C6orf118: variants seen among roughly 807,000 people sequenced by gnomAD.
The protein encoded by C6orf118 is chromosome 6 open reading frame 118.
A neutral mutation model predicts 50.2 loss-of-function variants in C6orf118; 50 were observed. The ratio of observed to expected loss-of-function variants is 1.00; its 90% CI spans 0.79 to 1.26. The LOEUF is 1.26. C6orf118 is among the 50% of genes most tolerant of loss of function. The pLI, the probability that C6orf118 is intolerant of heterozygous loss-of-function variation, is 0.00. For synonymous variants in C6orf118, 239 were observed against 230.9 expected (o/e 1.03, Z -0.32); for missense variants, 641 against 578.7 (o/e 1.11, Z -1.10).
At chr6:165,296,735 C>A (rs528005875) in intron 5 of C6orf118, among the ~76,000 whole-genome samples, 2 of 152,298 alleles carry the variant, frequency 1.3e-5, no homozygotes, top group South Asian at 4.1e-4. Flanking sequence ...TCCTACCACC[C>A]CTGAGAGGTA....
rs574085286 is a variant in C6orf118 at position 165,289,516 on chromosome 6, G to A, written c.1302+370C>T. Among the ~76,000 whole-genome samples the A allele has an allele frequency of 4.6e-5, 7 of 152,164 alleles. No individual in the cohort carries two copies. The East Asian group carries it at 1.2e-3, about 25-fold the overall frequency. On this transcript the variant is annotated intron_variant, in intron 7 of 8. Coordinates refer to ENST00000230301, the MANE Select transcript of C6orf118 (RefSeq NM_144980.4). ...TATATGTGTAATGGTGGGCTTTAGTGTACCACCACCCAAATAGTGTACGGT... is the reference window on the plus strand; with the variant it reads ...TATATGTGTAATGGTGGGCTTTAGTATACCACCACCCAAATAGTGTACGGT...
chr6:165,300,893 C>T (rs1780503964), intron 2 of C6orf118, among the ~76,000 whole-genome samples: 1 of 143,232 alleles, frequency 7.0e-6, no homozygotes, highest in Non-Finnish European at 1.5e-5. Flanking sequence ...TCCTCTGAGT[C>T]GGCAGCCTAC....
intron 1 of C6orf118, among the ~76,000 whole-genome samples, chr6:165,303,636 G>C (rs1780642177): frequency 9.5e-6 from 1 of 105,698 alleles, no homozygotes; most frequent in Non-Finnish European, 1.8e-5. Context: ...GGATAAAGGG[G>C]ATATCACCAC....
chr6:165,306,535 CAAAAAAA>C lies in C6orf118; in HGVS notation c.25+3020_25+3026del, dbSNP rs60755206. The stretch of plus-strand genomic sequence containing the variant: ...TAGAAATGGAATTTCTAGGTGAATG[CAAAAAAA>C]AAAAAAAAAAAAAAAAAAAGAAATG... On this transcript the variant is annotated intron_variant, in intron 1 of 8. Coordinates refer to ENST00000230301, the MANE Select transcript of C6orf118 (RefSeq NM_144980.4). Among the ~76,000 whole-genome samples the C allele has an allele frequency of 4.3e-4, 17 of 39,712 alleles. No homozygotes were observed. In the East Asian group the frequency reaches 4.9e-3, roughly 12 times the overall value. 26.1% of individuals were successfully genotyped at this position (39,712 alleles called of 152,430 possible).
At chr6:165,283,198 A>C (rs900734358) in intron 7 of C6orf118, among the ~76,000 whole-genome samples, 1 of 152,086 alleles carries the variant, frequency 6.6e-6, no homozygotes, top group Non-Finnish European at 1.5e-5. Context: ...ACAGAGAGCA[A>C]GAAAAAGCAG....
chr6:165,287,585 C>A (rs1044374074), intron 7 of C6orf118, among the ~76,000 whole-genome samples: 5 of 152,022 alleles, frequency 3.3e-5, no homozygotes, highest in African/African-American at 1.2e-4. Context: ...AAAAAACAGA[C>A]ATATAGACAA....
intron 7 of C6orf118, among the ~76,000 whole-genome samples, chr6:165,287,847 C>G (rs929873310): frequency 2.0e-5 from 3 of 152,070 alleles, no homozygotes; most frequent in Non-Finnish European, 4.4e-5. Flanking sequence ...AAAATCTAAG[C>G]AATACCATTC....
At position 165,294,271 on chromosome 6, in the gene C6orf118, A is replaced by AC. The variant is rs1388622926; in HGVS notation, c.1062-801_1062-800insG. Among the ~76,000 whole-genome samples, 872 of 148,278 alleles carry AC rather than the reference A, an allele frequency of 5.9e-3. 10 individuals are homozygous for AC. The highest frequency in any genetic ancestry group is 0.02 in the African/African-American group (795 of 39,066). On this transcript the variant is annotated intron_variant, in intron 5 of 8. Coordinates refer to ENST00000230301, the MANE Select transcript of C6orf118 (RefSeq NM_144980.4). The stretch of plus-strand genomic sequence containing the variant: ...TAAAAAAGCAAAAAAAAAAAAACAA[A>AC]AAAAAAAAAAGTAAATAAATAAGTA...
chr6:165,300,207 C>T (rs1780466685), intron 3 of C6orf118, among the ~76,000 whole-genome samples, 157 bp downstream of exon 3: 1 of 152,124 alleles, frequency 6.6e-6, no homozygotes, highest in African/African-American at 2.4e-5. Flanking sequence ...TACGTGCCTG[C>T]AGGCAGATGA....
chr6:165,283,421 G>A (rs1327566853), intron 7 of C6orf118, among the ~76,000 whole-genome samples: 1 of 152,220 alleles, frequency 6.6e-6, no homozygotes, highest in African/African-American at 2.4e-5. Context: ...TGGCTCTGAA[G>A]AGTCTAGTCA....
chr6:165,291,868 C>T (rs143567718), intron 6 of C6orf118, among the ~76,000 whole-genome samples: 118 of 152,116 alleles, frequency 7.8e-4, no homozygotes, highest in African/African-American at 2.6e-3. Context: ...TACTACTTTT[C>T]GATGGGAACA....
At chr6:165,292,180 C>G (rs1435897721) in intron 6 of C6orf118, among the ~76,000 whole-genome samples, 1 of 152,108 alleles carries the variant, frequency 6.6e-6, no homozygotes, top group Non-Finnish European at 1.5e-5. Flanking sequence ...AATGTCAAGC[C>G]CAGGGAATGA....
chr6:165,291,336 G>A (rs951755809), intron 6 of C6orf118, among the ~76,000 whole-genome samples: 1 of 152,218 alleles, frequency 6.6e-6, no homozygotes, highest in African/African-American at 2.4e-5. Flanking sequence ...CTCAGTTGTA[G>A]CTAGAAAGAA....
Position 165,301,978 on chromosome 6 carries a change from T to A in C6orf118, c.344A>T (p.His115Leu), listed in dbSNP as rs138289053. The A allele has an allele frequency of 1.2e-6, 2 of 1,613,702 alleles. No homozygotes were observed. The highest frequency in any genetic ancestry group is 2.7e-5 in the African/African-American group (2 of 74,926). Reference sequence around the variant, plus strand: ...GGCCTCACTGGGGACCAGGGCCGTGTGGATGGTGAAGTGGGCCAGGGCCTC... The same window carrying A: ...GGCCTCACTGGGGACCAGGGCCGTGAGGATGGTGAAGTGGGCCAGGGCCTC... ...MKEALAHFTI[H>L]TALVPSEAQD... is the part of the protein sequence containing the mutation. The change falls in exon 2 of 9, where the codon CAC (histidine) becomes CTC (leucine). Residue 115 changes from histidine (H) to leucine (L), a missense_variant. By Grantham distance (99) the His-to-Leu change is moderately conservative (BLOSUM62 -3). Coordinates refer to ENST00000230301, the MANE Select transcript of C6orf118 (RefSeq NM_144980.4).
intron 7 of C6orf118, among the ~76,000 whole-genome samples, chr6:165,288,950 T>A (rs1011736621): frequency 1.8e-4 from 28 of 151,800 alleles, no homozygotes; most frequent in Non-Finnish European, 3.2e-4. Context: ...TAGAAAAAAA[T>A]AAAATAAAAT....
chr6:165,308,715 G>A (rs1260686190), intron 1 of C6orf118, among the ~76,000 whole-genome samples: 1 of 152,124 alleles, frequency 6.6e-6, no homozygotes, highest in Non-Finnish European at 1.5e-5. Context: ...CCCCACAACA[G>A]CCCAGGAGGT....
At chr6:165,300,842 C>G (rs1175899118) in intron 2 of C6orf118, among the ~76,000 whole-genome samples, 1 of 152,096 alleles carries the variant, frequency 6.6e-6, no homozygotes, top group Non-Finnish European at 1.5e-5. Context: ...CTCTTTCGTG[C>G]ATCGTCCCCA....
In C6orf118 at chr6:165,301,947, G is replaced by A. The variant is rs1465311753; in HGVS notation, c.375C>T (p.Asp125=). ...HTALVPSEAQ[D]TPLFRYLNPQ... ...GGTTCAGGTACCTGAACAGCGGGGT[G>A]TCCTGGGCCTCACTGGGGACCAGGG... Residue 125 remains aspartate (D), a synonymous_variant, in exon 2 of 9, where the codon GAC becomes GAT. Transcript: ENST00000230301. 4.3e-6 allele frequency: 7 copies of A among 1,613,858 alleles called. No individual in the cohort carries two copies. The African/African-American group carries it at 8.0e-5, about 18-fold the overall frequency.
intron 4 of C6orf118, among the ~76,000 whole-genome samples, chr6:165,298,785 G>A (rs1780407092): frequency 6.6e-6 from 1 of 152,198 alleles, no homozygotes; most frequent in Non-Finnish European, 1.5e-5. Context: ...TATTTTACAT[G>A]AAGAAGCAAA....
Sources: gnomAD v4.1 joint callset for allele counts (sites outside exome capture counted in the v4.1 genomes callset) on GRCh38, gnomAD v4.1.1 for gene constraint, MANE v1.5 for transcripts, NCBI Gene and HGNC (gene_info 2026-07-23, HGNC 2026-07-21) for gene names.